Variants in PLAC8 observed in about 807,000 individuals in gnomAD.
The protein encoded by PLAC8 is placenta associated 8.
Under a neutral mutation model 12.6 loss-of-function variants are expected in PLAC8, and 6 were observed. The ratio of observed to expected loss-of-function variants is 0.48; its 90% CI spans 0.26 to 0.94. PLAC8 has a LOEUF of 0.94. Among genes scored for constraint, PLAC8 ranks in the 40% least tolerant of loss-of-function variants. The pLI is 0.14. For missense variants in PLAC8, 122 were observed against 152.7 expected (o/e 0.80, Z 1.06); for synonymous variants, 54 against 52.6 (o/e 1.03, Z -0.11).
intron 3 of PLAC8, among the ~76,000 whole-genome samples, chr4:83,100,344 T>A (rs562811956): frequency 6.6e-6 from 1 of 151,772 alleles, no homozygotes; most frequent in East Asian, 1.9e-4. Context: ...TCATGTGAAG[T>A]GCTGGCTCCC....
chr4:83,100,298 T>C (rs1374010141), intron 3 of PLAC8, among the ~76,000 whole-genome samples: 2 of 129,814 alleles, frequency 1.5e-5, no homozygotes, highest in East Asian at 2.5e-4. Context: ...AAAAAAAAAA[T>C]GTGTAGCACC....
chr4:83,112,554 G>A (rs758895683), intron 1 of PLAC8, among the ~76,000 whole-genome samples: 3 of 152,128 alleles, frequency 2.0e-5, no homozygotes, highest in Non-Finnish European at 4.4e-5. Context: ...TTATCCCTGC[G>A]TAGAAGAGTA....
At chr4:83,106,511 G>C (rs1306185776) in intron 2 of PLAC8, among the ~76,000 whole-genome samples, 1 of 151,710 alleles carries the variant, frequency 6.6e-6, no homozygotes, top group Non-Finnish European at 1.5e-5. Context: ...CCAGCTACTC[G>C]GAGGCCAAGG....
chr4:83,101,009 A>G (rs2126141521), intron 3 of PLAC8, among the ~76,000 whole-genome samples: 1 of 152,314 alleles, frequency 6.6e-6, no homozygotes. Context: ...ACCAGCCACA[A>G]CATTCCCATA....
rs115554444 is a variant in PLAC8 at position 83,112,314 on chromosome 4, C to A, written c.-30+2352G>T. ...GAACATTACTTCCTCCATGTAGTAG[C>A]CTCAACAGTCTTTAGCCCAACAGTC... is the stretch of plus-strand genomic sequence containing the variant. On this transcript the variant is annotated intron_variant, in intron 1 of 4. Transcript: ENST00000311507. 2.7e-3 allele frequency among the ~76,000 whole-genome samples: 407 copies of A among 151,636 alleles called. 4 individuals are homozygous for A. The highest frequency in any genetic ancestry group is 9.1e-3 in the African/African-American group (374 of 41,214).
At chr4:83,105,399 A>C (rs1255965875) in intron 2 of PLAC8, among the ~76,000 whole-genome samples, 1 of 152,246 alleles carries the variant, frequency 6.6e-6, no homozygotes. Context: ...TTGAAATACC[A>C]ACAGGTCACC....
At chr4:83,103,507 C>G (rs1448554961) in intron 3 of PLAC8, among the ~76,000 whole-genome samples, 1 of 152,126 alleles carries the variant, frequency 6.6e-6, no homozygotes, top group African/African-American at 2.4e-5. Context: ...ATTCCATAAG[C>G]TTAGTTGATA....
intron 3 of PLAC8, among the ~76,000 whole-genome samples, chr4:83,099,731 C>T (rs779962401): frequency 4.8e-4 from 73 of 151,904 alleles, no homozygotes; most frequent in Non-Finnish European, 1.6e-4. Flanking sequence ...GGCATGGTGG[C>T]TCACACCTGT....
chr4:83,112,742 T>A (rs1732453462), intron 1 of PLAC8, among the ~76,000 whole-genome samples: 1 of 152,210 alleles, frequency 6.6e-6, no homozygotes, highest in Non-Finnish European at 1.5e-5. Flanking sequence ...CATTTAAAAA[T>A]TCAAGGTATC....
At chr4:83,094,408 A>G in intron 4 of PLAC8, 1 of 273,354 alleles carries the variant, frequency 3.7e-6, no homozygotes. Context: ...GTATTTTACA[A>G]GTGGTAAGTG....
intron 3 of PLAC8, among the ~76,000 whole-genome samples, chr4:83,098,913 G>A (rs1430597291): frequency 2.6e-5 from 4 of 151,910 alleles, no homozygotes; most frequent in Non-Finnish European, 5.9e-5. Flanking sequence ...GTCCTCTAAA[G>A]TCTCAAAATG....
chr4:83,110,630 A>G (rs980752291), intron 1 of PLAC8, among the ~76,000 whole-genome samples: 7 of 152,176 alleles, frequency 4.6e-5, no homozygotes, highest in Non-Finnish European at 4.4e-5. Flanking sequence ...TGCGTGATGC[A>G]GGCTCCAGAT....
chr4:83,110,849 T>A (rs1732409493), intron 1 of PLAC8, among the ~76,000 whole-genome samples: 1 of 152,210 alleles, frequency 6.6e-6, no homozygotes, highest in East Asian at 1.9e-4. Context: ...TGCTAGAGAA[T>A]ATGTATTCAA....
chr4:83,095,275 G>A (rs1731899540), intron 3 of PLAC8, among the ~76,000 whole-genome samples: 1 of 152,210 alleles, frequency 6.6e-6, no homozygotes, highest in Admixed American at 6.5e-5. Context: ...AGTTTAAAAG[G>A]TAGTAGGACT....
intron 3 of PLAC8, among the ~76,000 whole-genome samples, chr4:83,100,181 T>A (rs566948890): frequency 1.7e-3 from 258 of 150,390 alleles, no homozygotes; most frequent in African/African-American, 5.9e-3. Context: ...CTTGGGAGGC[T>A]GAGGCAGGAG....
rs1391536491 is a variant in PLAC8 at position 83,112,188 on chromosome 4, TTA to T, written c.-30+2476_-30+2477del. On this transcript the variant is annotated intron_variant, in intron 1 of 4. Transcript: ENST00000311507. ...GACTCCGTCTCAAAAAAAAAAAAATTTATATATATATATATGTATATATATAT... is the reference window on the plus strand; with the variant it reads ...GACTCCGTCTCAAAAAAAAAAAAATTTATATATATATATGTATATATATAT... 1.6e-3 allele frequency among the ~76,000 whole-genome samples: 152 copies of T among 96,480 alleles called. 3 individuals carry two copies. Among genetic ancestry groups the T allele is most frequent in the African/African-American group, 7.0e-3 (143 of 20,328 alleles). 63.3% of individuals were successfully genotyped at this position (96,480 alleles called of 152,430 possible).
intron 3 of PLAC8, among the ~76,000 whole-genome samples, chr4:83,098,379 C>G (rs1457040321): frequency 1.3e-5 from 2 of 152,106 alleles, no homozygotes; most frequent in Non-Finnish European, 2.9e-5. Flanking sequence ...GTCCAAATAA[C>G]AGGGTTTTCT....
At chr4:83,105,868 T>C (rs927350968) in intron 2 of PLAC8, among the ~76,000 whole-genome samples, 1 of 152,214 alleles carries the variant, frequency 6.6e-6, no homozygotes, top group Non-Finnish European at 1.5e-5. Context: ...TTTGCAGATG[T>C]TGAACTGGTG....
chr4:83,101,937 C>T (rs1732110511), intron 3 of PLAC8, among the ~76,000 whole-genome samples: 2 of 152,166 alleles, frequency 1.3e-5, no homozygotes, highest in Admixed American at 1.3e-4. Context: ...ACAACTGAAA[C>T]CTATACTCAC....
Sources: gnomAD v4.1 joint callset for allele counts (sites outside exome capture counted in the v4.1 genomes callset) on GRCh38, gnomAD v4.1.1 for gene constraint, MANE v1.5 for transcripts, NCBI Gene and HGNC (gene_info 2026-07-23, HGNC 2026-07-21) for gene names.